The following RALGAPA2 variants were observed in gnomAD, a reference collection of about 807,000 sequenced individuals.
RALGAPA2 encodes the protein Ral GTPase activating protein catalytic subunit alpha 2.
Under a neutral mutation model 230.4 loss-of-function variants are expected in RALGAPA2, and 139 were observed. The observed-to-expected ratio is 0.60, with a 90% CI of 0.53 to 0.69. The LOEUF is 0.69. RALGAPA2 is among the 30% of genes least tolerant of loss of function. RALGAPA2 has a pLI of 0.00. For missense variants in RALGAPA2, 2,163 were observed against 2,276.0 expected (o/e 0.95, Z 1.01); for synonymous variants, 847 against 837.8 (o/e 1.01, Z -0.19).
intron 1 of RALGAPA2, among the ~76,000 whole-genome samples, chr20:20,696,634 C>T (rs1005403049): frequency 2.6e-5 from 4 of 151,928 alleles, no homozygotes; most frequent in Non-Finnish European, 4.4e-5. Context: ...TTCTATCCTC[C>T]ACCCCTCCAC....
At position 20,705,505 on chromosome 20, in the gene RALGAPA2, A is replaced by AT. The variant is rs1053399365; in HGVS notation, c.106+6869dup. On this transcript the variant is annotated intron_variant, in intron 1 of 39. Coordinates refer to ENST00000202677, the MANE Select transcript of RALGAPA2 (RefSeq NM_020343.4). ...GCCATGAGCAATTGCACCCAGCTTG[A>AT]TTTTTTTTTAATTCAAGTACAAGAA... 7.9e-5 allele frequency among the ~76,000 whole-genome samples: 12 copies of AT among 151,602 alleles called. No homozygotes were observed. The East Asian group carries it at 1.2e-3, about 15-fold the overall frequency.
At chr20:20,469,118 AGCGGCAACGACTGTGCCTGGCACATG>A (rs1215517880) in intron 37 of RALGAPA2, among the ~76,000 whole-genome samples, 2 of 152,160 alleles carry the variant, frequency 1.3e-5, no homozygotes, top group African/African-American at 4.8e-5. Flanking sequence ...TTCTATTCCT[AGCGGCAACGACTGTGCCTGGCACATG>A]GCAGGGGCAC....
chr20:20,583,600 G>T (rs1383530089), intron 19 of RALGAPA2, among the ~76,000 whole-genome samples: 1 of 152,094 alleles, frequency 6.6e-6, no homozygotes, highest in Non-Finnish European at 1.5e-5. Flanking sequence ...CACCACAAAT[G>T]CAAGTTTACT....
rs2061080354 is a variant in RALGAPA2, at chr20:20,455,108, C to G, written c.5495+17721G>C. Among the ~76,000 whole-genome samples, 4 of 152,312 alleles carry G rather than the reference C, an allele frequency of 2.6e-5. No individual in the cohort carries two copies. In the South Asian group the frequency reaches 8.3e-4, roughly 32 times the overall value. Reference sequence around the variant, plus strand: ...GATTATAAAAAGTACACATTACAAACAGAATGTGTCCCTAGGAAGGGTGTT... The same window carrying G: ...GATTATAAAAAGTACACATTACAAAGAGAATGTGTCCCTAGGAAGGGTGTT... On this transcript the variant is annotated intron_variant, in intron 37 of 39. Coordinates refer to ENST00000202677, the MANE Select transcript of RALGAPA2 (RefSeq NM_020343.4).
At chr20:20,617,302 T>A (rs1345459226) in intron 12 of RALGAPA2, among the ~76,000 whole-genome samples, 1 of 152,218 alleles carries the variant, frequency 6.6e-6, no homozygotes, top group Non-Finnish European at 1.5e-5. Flanking sequence ...TCACAGCCTT[T>A]AAAGTTATCT....
At chr20:20,489,170 AT>A (rs1441421157) in intron 36 of RALGAPA2, among the ~76,000 whole-genome samples, 1 of 152,230 alleles carries the variant, frequency 6.6e-6, no homozygotes, top group Non-Finnish European at 1.5e-5. Flanking sequence ...GGGCAAAGCT[AT>A]TTTGATATCA....
chr20:20,521,387 G>A (rs971129502), intron 30 of RALGAPA2, among the ~76,000 whole-genome samples: 5 of 152,050 alleles, frequency 3.3e-5, no homozygotes, highest in Admixed American at 3.3e-4. Flanking sequence ...TCCACCAAAG[G>A]CGGCACAGGT....
intron 37 of RALGAPA2, among the ~76,000 whole-genome samples, chr20:20,426,695 G>A (rs943714534): frequency 1.3e-5 from 2 of 152,134 alleles, no homozygotes; most frequent in African/African-American, 4.8e-5. Flanking sequence ...CACAGCATAC[G>A]GGATGCCCTT....
intron 3 of RALGAPA2, among the ~76,000 whole-genome samples, chr20:20,655,345 A>G (rs1462768031): frequency 6.6e-6 from 1 of 152,118 alleles, no homozygotes; most frequent in Non-Finnish European, 1.5e-5. Flanking sequence ...AAAAAAAAAA[A>G]CCTTGACAGA....
intron 3 of RALGAPA2, among the ~76,000 whole-genome samples, chr20:20,654,878 C>T (rs538077398): frequency 2.1e-4 from 32 of 152,276 alleles, no homozygotes; most frequent in Admixed American, 7.8e-4. Flanking sequence ...ACCAGCATTT[C>T]CTTTTCTCTA....
intron 16 of RALGAPA2, among the ~76,000 whole-genome samples, chr20:20,599,725 C>A: frequency 6.6e-6 from 1 of 152,172 alleles, no homozygotes; most frequent in African/African-American, 2.4e-5. Context: ...GTAATCCCAA[C>A]ACTTTGGAAG....
chr20:20,710,950 G>A (rs980901392), intron 1 of RALGAPA2, among the ~76,000 whole-genome samples: 9 of 152,144 alleles, frequency 5.9e-5, no homozygotes, highest in African/African-American at 2.2e-4. Context: ...TCCACACAAT[G>A]CAACCTGTGT....
intron 1 of RALGAPA2, among the ~76,000 whole-genome samples, chr20:20,710,538 A>G (rs1226702789): frequency 6.6e-6 from 1 of 152,218 alleles, no homozygotes; most frequent in Non-Finnish European, 1.5e-5. Context: ...CCACTCCACT[A>G]GTAAGTATAT....
At chr20:20,703,475 G>A (rs1354270406) in intron 1 of RALGAPA2, among the ~76,000 whole-genome samples, 1 of 152,148 alleles carries the variant, frequency 6.6e-6, no homozygotes, top group Non-Finnish European at 1.5e-5. Context: ...ACACATCCAG[G>A]AGGCTTTAAC....
chr20:20,433,130 A>G (rs2060533388), intron 37 of RALGAPA2, among the ~76,000 whole-genome samples: 1 of 152,270 alleles, frequency 6.6e-6, no homozygotes, highest in Non-Finnish European at 1.5e-5. Flanking sequence ...CCATTCAGAC[A>G]TAATTATCAG....
At chr20:20,673,604 T>C (rs1303170543) in intron 3 of RALGAPA2, among the ~76,000 whole-genome samples, 1 of 151,934 alleles carries the variant, frequency 6.6e-6, no homozygotes, top group African/African-American at 2.4e-5. Flanking sequence ...ATATGAATAA[T>C]ACTAAAACAA....
chr20:20,443,317 G>A (rs2060781958), intron 37 of RALGAPA2, among the ~76,000 whole-genome samples: 1 of 152,168 alleles, frequency 6.6e-6, no homozygotes, highest in Non-Finnish European at 1.5e-5. Flanking sequence ...GTGAGAATGC[G>A]GGAAGCAGTC....
chr20:20,546,333 CAA>C (rs35683499), intron 24 of RALGAPA2, among the ~76,000 whole-genome samples: 1 of 150,654 alleles, frequency 6.6e-6, no homozygotes, highest in Non-Finnish European at 1.5e-5. Context: ...AATTTAAAAA[CAA>C]AAAAAAACTT....
chr20:20,652,342 C>A (rs1187665586), intron 4 of RALGAPA2, among the ~76,000 whole-genome samples: 1 of 152,152 alleles, frequency 6.6e-6, no homozygotes, highest in Non-Finnish European at 1.5e-5. Context: ...AGTTACCTCT[C>A]TTGAAGCCTT....
Sources: allele counts gnomAD v4.1 joint callset (sites outside exome capture counted in the v4.1 genomes callset), GRCh38; gene constraint gnomAD v4.1.1; transcripts MANE v1.5; gene names NCBI Gene and HGNC (gene_info 2026-07-23, HGNC 2026-07-21).